The following NAV3 variants were observed in gnomAD, a reference collection of about 807,000 sequenced individuals.
NAV3 encodes neuron navigator 3.
In NAV3, 87 loss-of-function variants were observed where a neutral mutation model predicts 244.7. The observed-to-expected ratio is 0.36, with a 90% CI of 0.30 to 0.42. The LOEUF (loss-of-function observed/expected upper bound fraction) is 0.42. Ranked by LOEUF, NAV3 falls within the 20% of genes least tolerant of loss-of-function variation. The pLI is 1.00. For synonymous variants in NAV3, 1,126 were observed against 1,042.2 expected, an observed-to-expected ratio of 1.08 and a Z score of -1.55; for missense variants, 2,663 against 2,893.3, an observed-to-expected ratio of 0.92 and a Z score of 1.83.
chr12:77,870,525 GAATCGGGATAA>G (rs1277342842), intron 1 of NAV3, among the ~76,000 whole-genome samples: 1 of 152,040 alleles, frequency 6.6e-6, no homozygotes, highest in Non-Finnish European at 1.5e-5. Flanking sequence ...AGACATTTAG[GAATCGGGATAA>G]AAGAGAAATA....
chr12:77,656,802 A>T (rs1199309082), intron 2 of NAV3, among the ~76,000 whole-genome samples: 1 of 151,784 alleles, frequency 6.6e-6, no homozygotes, highest in East Asian at 1.9e-4. Flanking sequence ...GGATTAAGAA[A>T]CTCACTCAAA....
At position 78,211,324 on chromosome 12, in the gene NAV3, T is replaced by C. The variant is rs1186563669; in HGVS notation, c.*807T>C. 2 of 152,644 alleles carry C rather than the reference T, an allele frequency of 1.3e-5. No homozygotes were observed. The highest frequency in any genetic ancestry group is 4.8e-5 in the African/African-American group (2 of 41,456). The allele number at this position is 152,644 out of a possible 1,614,324, so 9.5% of individuals were successfully genotyped here. ...TCAGTGAAAGAAGGAACATTTCCTA[T>C]GGTGCTGTCTCACTGCCTTAAAACA... On this transcript the variant is annotated 3_prime_UTR_variant, in exon 40 of 40. Transcript: ENST00000397909.
intron 2 of NAV3, among the ~76,000 whole-genome samples, chr12:77,785,660 G>A (rs901543137): frequency 6.6e-6 from 1 of 152,196 alleles, no homozygotes; most frequent in Non-Finnish European, 1.5e-5. Flanking sequence ...ATCAGGACAA[G>A]TATGAGTAGA....
At chr12:78,139,555 A>G (rs1273529333) in intron 19 of NAV3, among the ~76,000 whole-genome samples, 2 of 152,162 alleles carry the variant, frequency 1.3e-5, no homozygotes, top group African/African-American at 2.4e-5. Flanking sequence ...TAAAAAGAGG[A>G]TGAACTTTTC....
Position 77,940,210 on chromosome 12 carries a change from G to A in NAV3, c.244-109G>A, listed in dbSNP as rs554932590. On this transcript the variant is annotated intron_variant, in intron 1 of 39. Transcript: ENST00000397909. ...TTTAGAGCTATGACTTCTTAAACTG[G>A]AATGTGATCCAGAATAGCTTCCCTT... is the stretch of plus-strand genomic sequence containing the variant. The A allele has an allele frequency of 6.6e-6, 5 of 762,910 alleles. No homozygotes were observed. In the East Asian group the frequency reaches 1.0e-4, roughly 16 times the overall value. The allele number at this position is 762,910 out of a possible 1,614,324, so 47.3% of individuals were successfully genotyped here.
intron 2 of NAV3, among the ~76,000 whole-genome samples, chr12:77,580,855 A>G (rs1037963826): frequency 1.3e-5 from 2 of 152,232 alleles, no homozygotes; most frequent in African/African-American, 4.8e-5. Context: ...GGAGATGTTC[A>G]CTGTAAAATT....
At chr12:77,842,992 C>T (rs1447549367) in intron 1 of NAV3, among the ~76,000 whole-genome samples, 1 of 152,116 alleles carries the variant, frequency 6.6e-6, no homozygotes, top group African/African-American at 2.4e-5. Flanking sequence ...CCTGAATGCT[C>T]ACATCTTTCA....
At chr12:78,096,545 C>T (rs938722256) in intron 12 of NAV3, among the ~76,000 whole-genome samples, 3 of 151,996 alleles carry the variant, frequency 2.0e-5, no homozygotes, top group Non-Finnish European at 4.4e-5. Flanking sequence ...ACAATCATGG[C>T]GAAAGACTAA....
At chr12:78,101,217 C>T (rs755794295) in intron 12 of NAV3, among the ~76,000 whole-genome samples, 13 of 152,150 alleles carry the variant, frequency 8.5e-5, no homozygotes, top group Non-Finnish European at 1.3e-4. Context: ...TCTGCTTCCC[C>T]CACCATAAAC....
intron 12 of NAV3, among the ~76,000 whole-genome samples, chr12:78,059,553 C>G (rs953012881): frequency 1.3e-5 from 2 of 152,172 alleles, no homozygotes; most frequent in Non-Finnish European, 2.9e-5. Context: ...TCCCAAAGTA[C>G]TGGGATTACA....
At chr12:77,669,182 A>G (rs1290251027) in intron 2 of NAV3, among the ~76,000 whole-genome samples, 1 of 152,208 alleles carries the variant, frequency 6.6e-6, no homozygotes, top group Non-Finnish European at 1.5e-5. Context: ...ACAGCACTAC[A>G]AGAACTGCTA....
chr12:78,027,428 A>G (rs753752029), intron 9 of NAV3, among the ~76,000 whole-genome samples: 10 of 146,266 alleles, frequency 6.8e-5, no homozygotes, highest in Non-Finnish European at 1.2e-4. Flanking sequence ...TGGGTGACAG[A>G]GCAAGACCTT....
chr12:77,913,520 G>A lies in NAV3; in HGVS notation c.244-26799G>A, dbSNP rs113656120. 8.1e-3 allele frequency among the ~76,000 whole-genome samples: 1,230 copies of A among 151,982 alleles called. 15 individuals are homozygous for A. Among genetic ancestry groups the A allele is most frequent in the South Asian group, 0.043 (205 of 4,812 alleles). On this transcript the variant is annotated intron_variant, in intron 1 of 39. Coordinates refer to ENST00000397909, the MANE Select transcript of NAV3 (RefSeq NM_001024383.2). Reference sequence around the variant, plus strand: ...CAATCTCGATTCACTGCAACCTCCCGTACTAGGCATTACTCTAAGAGTTGC... The same window carrying A: ...CAATCTCGATTCACTGCAACCTCCCATACTAGGCATTACTCTAAGAGTTGC...
chr12:77,712,815 A>G (rs1876183987), intron 2 of NAV3, among the ~76,000 whole-genome samples: 1 of 152,210 alleles, frequency 6.6e-6, no homozygotes, highest in Non-Finnish European at 1.5e-5. Flanking sequence ...CATACAAACA[A>G]ATGACTCTTA....
intron 5 of NAV3, among the ~76,000 whole-genome samples, chr12:77,977,896 G>A (rs976656406): frequency 2.0e-5 from 3 of 152,028 alleles, no homozygotes; most frequent in African/African-American, 7.2e-5. Flanking sequence ...GATAGTTTGG[G>A]GAGATCAGTC....
chr12:77,695,509 G>T (rs1447950742), intron 2 of NAV3, among the ~76,000 whole-genome samples: 3 of 152,122 alleles, frequency 2.0e-5, no homozygotes, highest in Non-Finnish European at 4.4e-5. Flanking sequence ...ATGGGTCTAT[G>T]TGTCTGTTTT....
chr12:77,790,947 G>A (rs894680620), intron 2 of NAV3, among the ~76,000 whole-genome samples: 7 of 152,140 alleles, frequency 4.6e-5, no homozygotes, highest in African/African-American at 1.2e-4. Flanking sequence ...TCCCTACTCT[G>A]CATATGCCCT....
intron 22 of NAV3, among the ~76,000 whole-genome samples, chr12:78,151,851 T>A (rs1321329148): frequency 6.6e-6 from 1 of 151,024 alleles, no homozygotes; most frequent in Non-Finnish European, 1.5e-5. Flanking sequence ...CTTTGCAACT[T>A]CTTGTGTATA....
chr12:78,098,968 T>TA (rs912786625), intron 12 of NAV3, among the ~76,000 whole-genome samples: 10 of 151,176 alleles, frequency 6.6e-5, no homozygotes, highest in African/African-American at 2.2e-4. Flanking sequence ...TTTTTTTTTT[T>TA]TATAATATTG....
Sources: gnomAD v4.1 joint callset for allele counts (sites outside exome capture counted in the v4.1 genomes callset) on GRCh38, gnomAD v4.1.1 for gene constraint, MANE v1.5 for transcripts, NCBI Gene and HGNC (gene_info 2026-07-23, HGNC 2026-07-21) for gene names.